ATAD2B: variants seen among roughly 807,000 people sequenced by gnomAD.
The protein encoded by ATAD2B is ATPase family AAA domain-containing protein 2B.
ATAD2B carries 40 observed loss-of-function variants against 167.6 expected under a neutral mutation model. That is an observed-to-expected ratio of 0.24 (90% CI 0.19 to 0.31). The LOEUF is 0.31. Among genes scored for constraint, ATAD2B ranks in the 10% least tolerant of loss-of-function variants. ATAD2B has a pLI of 1.00. For missense variants in ATAD2B, 1,242 were observed against 1,757.2 expected (o/e 0.71, Z 5.24); for synonymous variants, 579 against 596.5 (o/e 0.97, Z 0.43).
intron 19 of ATAD2B, among the ~76,000 whole-genome samples, chr2:23,795,440 ACT>A: frequency 6.6e-6 from 1 of 152,048 alleles, no homozygotes; most frequent in East Asian, 1.9e-4. Flanking sequence ...TGTACTGCCC[ACT>A]CTCTACTTCA....
intron 1 of ATAD2B, among the ~76,000 whole-genome samples, chr2:23,901,698 C>T (rs1700861101): frequency 6.6e-6 from 1 of 152,022 alleles, no homozygotes; most frequent in South Asian, 2.1e-4. Context: ...ACGATGAGGT[C>T]CAAGGCTTTT....
intron 22 of ATAD2B, among the ~76,000 whole-genome samples, chr2:23,780,137 T>C (rs1251556637): frequency 3.3e-5 from 5 of 151,780 alleles, no homozygotes; most frequent in African/African-American, 7.3e-5. Flanking sequence ...ATTACCCAGC[T>C]ACCAGGAGGC....
At chr2:23,693,532 G>A in the ATAD2B span, 62 of 1,544,716 alleles carry the variant, frequency 4.0e-5, no homozygotes, top group Non-Finnish European at 5.2e-5. Flanking sequence ...CACACAGGTG[G>A]GGCCTGCCCT....
At chr2:23,706,927 G>A in the ATAD2B span, 6 of 376,896 alleles carry the variant, frequency 1.6e-5, no homozygotes, top group African/African-American at 4.2e-5. Context: ...CGCTCGCTCT[G>A]CCAGGTGCAA....
chr2:23,696,300 G>T, the ATAD2B span: 3 of 1,547,406 alleles, frequency 1.9e-6, no homozygotes, highest in South Asian at 1.2e-5. This position sits in a 1 kb window ranked among gnomAD's most constrained non-coding sequence, Gnocchi z 5.5. Flanking sequence ...TCCTCACCCC[G>T]CCCGCTCTCT....
rs1285790132 is a variant in ATAD2B, at chr2:23,884,878, TA to T, written c.676-6del. 3 of 1,519,874 alleles carry T rather than the reference TA, an allele frequency of 2.0e-6. No individual in the cohort carries two copies. Among genetic ancestry groups the T allele is most frequent in the Non-Finnish European group, 1.8e-6 (2 of 1,125,380 alleles). 94.1% of individuals were successfully genotyped at this position (1,519,874 alleles called of 1,614,324 possible). On this transcript the variant is annotated splice_region_variant and splice_polypyrimidine_tract_variant and intron_variant, in intron 5 of 27. Coordinates refer to ENST00000238789, the MANE Select transcript of ATAD2B (RefSeq NM_017552.4). ...TGAATACATATCCATGTTTTCCTTT[TA>T]AAGAAAGAAATCTGTCAAATAGCAA... is the stretch of plus-strand genomic sequence containing the variant.
At chr2:23,880,588 G>C (rs1272171568) in intron 7 of ATAD2B, 51 bp downstream of exon 7, 3 of 1,014,466 alleles carry the variant, frequency 3.0e-6, no homozygotes, top group Non-Finnish European at 4.4e-6. Context: ...CAGTGGGGCA[G>C]AATAAGTTAC....
intron 15 of ATAD2B, among the ~76,000 whole-genome samples, chr2:23,827,576 C>T (rs1040424606): frequency 6.6e-5 from 10 of 152,078 alleles, no homozygotes; most frequent in African/African-American, 2.2e-4. Context: ...TTTCCCAGTC[C>T]GATCTGAACT....
At chr2:23,902,768 G>T (rs1436019638) in intron 1 of ATAD2B, among the ~76,000 whole-genome samples, 1 of 152,098 alleles carries the variant, frequency 6.6e-6, no homozygotes, top group Non-Finnish European at 1.5e-5. Flanking sequence ...AAAAAAGATG[G>T]ATAAGAACTA....
chr2:23,884,826 T>C lies in ATAD2B; in HGVS notation c.723A>G (p.Leu241=). ...YSRVKRRRKS[L]RRNSYGIQNH... ...TTTGTATCCCATAACTATTTCTTCT[T>C]AGTGACTTTCTTCGCCTTTTCACTC... Residue 241 remains leucine (L), a synonymous_variant, in exon 6 of 28, where the codon CTA becomes CTG. Coordinates refer to ENST00000238789, the MANE Select transcript of ATAD2B (RefSeq NM_017552.4). The C allele has an allele frequency of 6.2e-7, 1 of 1,601,008 alleles. No homozygotes were observed. Among genetic ancestry groups the C allele is most frequent in the Non-Finnish European group, 8.5e-7 (1 of 1,173,374 alleles).
At chr2:23,678,046 C>T in the ATAD2B span, among the ~76,000 whole-genome samples, 2 of 152,214 alleles carry the variant, frequency 1.3e-5, no homozygotes, top group Non-Finnish European at 1.5e-5. Flanking sequence ...TTTGACATCT[C>T]TTCCTCTTTA....
At chr2:23,904,168 T>C (rs1035634296) in intron 1 of ATAD2B, among the ~76,000 whole-genome samples, 7 of 151,948 alleles carry the variant, frequency 4.6e-5, no homozygotes, top group Non-Finnish European at 7.4e-5. Context: ...TGATCATAGG[T>C]AACGTACAGA....
In ATAD2B at chr2:23,845,262, T is replaced by C. The variant is rs375005546; in HGVS notation, c.1569-11184A>G. ...TATATGTTCTACACAAACATTTGCA[T>C]TGAACGTTCACAGTAATATTCATAA... On this transcript the variant is annotated intron_variant, in intron 13 of 27. Coordinates refer to ENST00000238789, the MANE Select transcript of ATAD2B (RefSeq NM_017552.4). Among the ~76,000 whole-genome samples, 73 of 152,312 alleles carry C rather than the reference T, an allele frequency of 4.8e-4. 1 individual carries two copies. The highest frequency in any genetic ancestry group is 1.6e-3 in the African/African-American group (66 of 41,562).
chr2:23,801,637 T>C (rs1351934703), intron 18 of ATAD2B, among the ~76,000 whole-genome samples: 1 of 152,124 alleles, frequency 6.6e-6, no homozygotes, highest in Admixed American at 6.5e-5. Context: ...GATTCTTTAT[T>C]ACAACATTAT....
At chr2:23,812,282 AAAAGG>A (rs1685717666) in intron 17 of ATAD2B, among the ~76,000 whole-genome samples, 1 of 149,590 alleles carries the variant, frequency 6.7e-6, no homozygotes, top group Admixed American at 6.8e-5. Flanking sequence ...ACCACTGTAA[AAAAGG>A]AAAGGAGATC....
At chr2:23,891,061 C>T (rs4665246) in intron 2 of ATAD2B, among the ~76,000 whole-genome samples, 111,292 of 149,614 alleles carry the variant, frequency 0.74, 41,830 homozygotes, top group South Asian at 0.85. Flanking sequence ...TGCTCAGCCA[C>T]CCAGGCTGGA....
At chr2:23,906,347 AAAAG>A (rs1701491135) in intron 1 of ATAD2B, among the ~76,000 whole-genome samples, 1 of 152,286 alleles carries the variant, frequency 6.6e-6, no homozygotes, top group East Asian at 1.9e-4. Flanking sequence ...TCTCAAAAAA[AAAAG>A]AAAGGTCATT....
At chr2:23,896,042 G>T in intron 1 of ATAD2B, 72 bp from the exon 2 acceptor site, 1 of 1,306,326 alleles carries the variant, frequency 7.7e-7, no homozygotes, top group Non-Finnish European at 1.1e-6. Flanking sequence ...CTAGGGGCCA[G>T]GCAGTGGCTC....
chr2:23,917,942 C>T (rs959677436), intron 1 of ATAD2B, among the ~76,000 whole-genome samples: 19 of 151,892 alleles, frequency 1.3e-4, no homozygotes, highest in Non-Finnish European at 2.4e-4. Flanking sequence ...CCTGTAATCG[C>T]AGCTACTCGG....
Sources: allele counts gnomAD v4.1 joint callset (sites outside exome capture counted in the v4.1 genomes callset), GRCh38; gene constraint gnomAD v4.1.1; non-coding constraint Gnocchi (gnomAD v3.1); transcripts MANE v1.5; gene names NCBI Gene and HGNC (gene_info 2026-07-23, HGNC 2026-07-21).